The following HERC1 variants were observed in gnomAD, a reference collection of about 807,000 sequenced individuals.
The protein encoded by HERC1 is HECT and RLD domain containing E3 ubiquitin protein ligase family member 1.
HERC1 carries 160 observed loss-of-function variants against 554.3 expected under a neutral mutation model. That is an observed-to-expected ratio of 0.29 (90% CI 0.25 to 0.33). HERC1 has a LOEUF of 0.33. HERC1 is among the 10% of genes least tolerant of loss of function. HERC1 has a pLI of 1.00. For synonymous variants in HERC1, 2,175 were observed against 2,131.7 expected (o/e 1.02, Z -0.56); for missense variants, 4,919 against 5,918.5 (o/e 0.83, Z 5.54).
chr15:63,766,325 C>T (rs1485865117), intron 2 of HERC1, among the ~76,000 whole-genome samples: 1 of 152,012 alleles, frequency 6.6e-6, no homozygotes, highest in Non-Finnish European at 1.5e-5. Context: ...CAGTGGCTCA[C>T]ACCTGTAATC....
chr15:63,620,100 C>A (rs971383620), intron 74 of HERC1, among the ~76,000 whole-genome samples: 14 of 151,640 alleles, frequency 9.2e-5, no homozygotes, highest in Non-Finnish European at 1.6e-4. Context: ...TGTCAATTTT[C>A]GATCTTTCCT....
At chr15:63,646,647 A>G (rs917927624) in intron 55 of HERC1, among the ~76,000 whole-genome samples, 1 of 147,490 alleles carries the variant, frequency 6.8e-6, no homozygotes, top group Non-Finnish European at 1.5e-5. Flanking sequence ...TAAAAATACA[A>G]AAAAAAAAAA....
intron 74 of HERC1, among the ~76,000 whole-genome samples, chr15:63,621,427 T>C (rs2068072418): frequency 6.6e-6 from 1 of 152,202 alleles, no homozygotes; most frequent in South Asian, 2.1e-4. Flanking sequence ...GCTCTTAACA[T>C]TTTTTCCTTC....
intron 7 of HERC1, among the ~76,000 whole-genome samples, chr15:63,753,874 A>G (rs2075331473): frequency 6.6e-6 from 1 of 152,176 alleles, no homozygotes; most frequent in Admixed American, 6.5e-5. Context: ...ATGCTTGTTG[A>G]TATAAAAAAG....
chr15:63,624,472 G>A (rs2068215083), intron 71 of HERC1, 145 bp from the exon 72 acceptor site: 4 of 663,452 alleles, frequency 6.0e-6, no homozygotes, highest in South Asian at 2.3e-5. Context: ...TGTGGTGGGC[G>A]GATCGCTTGA....
In HERC1 at chr15:63,645,487, C is replaced by A; in HGVS notation, c.11074G>T (p.Ala3692Ser). ...AGATGCAAATTGACAACATACGTAG[C>A]CATCAGTAACTGCAACTTGGATCCT... ...GKGSKLQLLM[A>S]TGCQSGLVCV... The change falls in exon 56 of 78, where the codon GCT (alanine) becomes TCT (serine). Residue 3692 changes from alanine (A) to serine (S), a missense_variant. This residue lies in a region of HERC1 where 1,963 missense variants were observed against 2,228.6 expected (regional missense o/e 0.88). Coordinates refer to ENST00000443617, the MANE Select transcript of HERC1 (RefSeq NM_003922.4). 1 of 1,608,772 alleles carries A rather than the reference C, an allele frequency of 6.2e-7. No individual in the cohort carries two copies. Among genetic ancestry groups the A allele is most frequent in the Non-Finnish European group, 8.5e-7 (1 of 1,177,258 alleles).
rs376481932 is a variant in HERC1 at position 63,678,050 on chromosome 15, C to A, written c.6865G>T (p.Ala2289Ser). Residue 2289 changes from alanine (A) to serine (S), a missense_variant, in exon 37 of 78, where the codon GCT (alanine) becomes TCT (serine). Ala to Ser is a moderately conservative substitution (Grantham distance 99). Transcript: ENST00000443617. ...EKGKHTRHGL[A>S]DLSELQLRTL... ...CTCAGCTGCAGCTCTGAGAGGTCAG[C>A]GAGGCCATGCCTAGTATGTTTACCT... is the stretch of plus-strand genomic sequence containing the variant. 3 of 1,613,882 alleles carry A rather than the reference C, an allele frequency of 1.9e-6. No individual in the cohort carries two copies. The highest frequency in any genetic ancestry group is 1.1e-5 in the South Asian group (1 of 91,076).
In HERC1 at chr15:63,624,246, T is replaced by C. The variant is rs763224069; in HGVS notation, c.13357A>G (p.Thr4453Ala). ...CCTATGGAGCGCACCATTGGCAGAGTGTAGACTCTTGGGGCTAACAAAGGC... is the reference window on the plus strand; with the variant it reads ...CCTATGGAGCGCACCATTGGCAGAGCGTAGACTCTTGGGGCTAACAAAGGC... ...LRPLLAPRVY[T>A]LPMVRSIGKT... Residue 4453 changes from threonine (T) to alanine (A), a missense_variant, in exon 72 of 78, where the codon ACT becomes GCT. Physicochemically the swap from Thr to Ala is moderately conservative, Grantham distance 58 (BLOSUM62 0). Transcript: ENST00000443617. The C allele has an allele frequency of 8.7e-6, 14 of 1,613,912 alleles. No homozygotes were observed. The highest frequency in any genetic ancestry group is 1.2e-5 in the Non-Finnish European group (14 of 1,179,782).
At chr15:63,688,529 A>G (rs1219739025) in intron 33 of HERC1, among the ~76,000 whole-genome samples, 1 of 152,222 alleles carries the variant, frequency 6.6e-6, no homozygotes, top group Non-Finnish European at 1.5e-5. Flanking sequence ...TTGAGAAGAA[A>G]TGTGGATTAA....
chr15:63,788,208 C>CT (rs552324710), intron 1 of HERC1, among the ~76,000 whole-genome samples: 223 of 152,224 alleles, frequency 1.5e-3, no homozygotes, highest in African/African-American at 5.3e-3. Flanking sequence ...ACAAGTCAGA[C>CT]TGATGATTTG....
At chr15:63,755,734 T>C (rs534372634) in intron 5 of HERC1, among the ~76,000 whole-genome samples, 1 of 152,086 alleles carries the variant, frequency 6.6e-6, no homozygotes, top group East Asian at 1.9e-4. Context: ...TGGGCTGAGA[T>C]AGCACCACTG....
Position 63,678,365 on chromosome 15 carries a change from C to T in HERC1, c.6550G>A (p.Val2184Met), listed in dbSNP as rs1172865700. The T allele has an allele frequency of 6.3e-7, 1 of 1,583,438 alleles. No individual in the cohort carries two copies. The highest frequency in any genetic ancestry group is 8.6e-7 in the Non-Finnish European group (1 of 1,166,802). Residue 2184 changes from valine (V) to methionine (M), a missense_variant and splice_region_variant, in exon 37 of 78, where the codon GTG (valine) becomes ATG (methionine). Around this residue, in one of 11 missense-constraint regions of HERC1, gnomAD observed 1,963 missense variants for 2,228.6 expected, o/e 0.88. Coordinates refer to ENST00000443617, the MANE Select transcript of HERC1 (RefSeq NM_003922.4). ...CGCATCTGCATATCACAAATTTTCA[C>T]CTATATAAAAGTAAAGAGGGTGGAA... ...MFYSSNPGEK[V>M]KICDMQMRGT... is the part of the protein sequence containing the mutation.
chr15:63,712,824 C>G lies in HERC1; in HGVS notation c.4535G>C (p.Ser1512Thr). 6.2e-7 allele frequency: 1 copy of G among 1,613,690 alleles called. No individual in the cohort carries two copies. The highest frequency in any genetic ancestry group is 8.5e-7 in the Non-Finnish European group (1 of 1,179,682). The change falls in exon 24 of 78, where the codon AGT becomes ACT. Residue 1512 changes from serine to threonine, a missense_variant. By Grantham distance (58) the Ser-to-Thr change is moderately conservative. Coordinates refer to ENST00000443617, the MANE Select transcript of HERC1 (RefSeq NM_003922.4). ...TTCAGGCTGAGACAAATCAGATTCA[C>G]TCCTCGATTTGATCAGTCTATAATT... ...SPNYRLIKSR[S>T]ESDLSQPESD...
intron 1 of HERC1, among the ~76,000 whole-genome samples, chr15:63,776,085 T>A (rs13379670): frequency 6.6e-6 from 1 of 151,628 alleles, no homozygotes; most frequent in Non-Finnish European, 1.5e-5. Flanking sequence ...TTTCTTCAGA[T>A]GTACCTTTTC....
chr15:63,717,571 C>T (rs989192708), intron 21 of HERC1, among the ~76,000 whole-genome samples: 1 of 152,154 alleles, frequency 6.6e-6, no homozygotes, highest in Non-Finnish European at 1.5e-5. Context: ...TAAGTAGTTT[C>T]GGCCAGGTGA....
At chr15:63,759,371 TG>T (rs1229178822) in intron 3 of HERC1, among the ~76,000 whole-genome samples, 3 of 152,250 alleles carry the variant, frequency 2.0e-5, no homozygotes, top group Non-Finnish European at 2.9e-5. Context: ...TGGTAAAGTC[TG>T]TTGCCATTCA....
At chr15:63,695,881 A>G (rs2072382445) in intron 27 of HERC1, among the ~76,000 whole-genome samples, 2 of 152,320 alleles carry the variant, frequency 1.3e-5, no homozygotes, top group South Asian at 4.1e-4. Context: ...TTCCCATCCA[A>G]ACTGGATAAT....
chr15:63,774,590 C>T, intron 2 of HERC1, 104 bp downstream of exon 2: 1 of 840,554 alleles, frequency 1.2e-6, no homozygotes, highest in Non-Finnish European at 1.8e-6. Flanking sequence ...TCAACAATCA[C>T]CAAAAGTCTC....
At chr15:63,620,208 G>A (rs1274315188) in intron 74 of HERC1, among the ~76,000 whole-genome samples, 1 of 151,892 alleles carries the variant, frequency 6.6e-6, no homozygotes, top group Non-Finnish European at 1.5e-5. Context: ...TGTTCTCGTT[G>A]GTTTCAAAGA....
Sources: allele counts gnomAD v4.1 joint callset (sites outside exome capture counted in the v4.1 genomes callset), GRCh38; gene constraint gnomAD v4.1.1; regional missense constraint gnomAD v4.1.1; transcripts MANE v1.5; gene names NCBI Gene and HGNC (gene_info 2026-07-23, HGNC 2026-07-21).